NBPF10: variants seen among roughly 807,000 people sequenced by gnomAD.
NBPF10 encodes NBPF member 10, also known as NBPF family member NBPF10.
In NBPF10, 63 loss-of-function variants were observed where a neutral mutation model predicts 77.9. The observed-to-expected ratio is 0.81, with a 90% confidence interval of 0.66 to 1.00. The LOEUF (loss-of-function observed/expected upper bound fraction) is 1.00. NBPF10 is among the 50% of genes least tolerant of loss of function. The pLI, the probability that NBPF10 is intolerant of heterozygous loss-of-function variation, is 0.00. For synonymous variants in NBPF10, 146 were observed against 264.5 expected (o/e 0.55, Z 4.35); for missense variants, 522 against 679.8 (o/e 0.77, Z 2.58).
intron 13 of NBPF10, among the ~76,000 whole-genome samples, chr1:146,126,622 CA>C (rs1658715899): frequency 7.0e-6 from 1 of 143,802 alleles, no homozygotes; most frequent in South Asian, 2.2e-4. Context: ...CACACACACA[CA>C]CACACACACA....
chr1:146,139,265 AT>A (rs10533520), intron 5 of NBPF10, among the ~76,000 whole-genome samples: 10,065 of 139,872 alleles, frequency 0.072, 15 homozygotes, highest in African/African-American at 0.1. Context: ...ACGCCCAGCT[AT>A]TTTTTTTTTT....
At chr1:146,081,382 C>T in intron 71 of NBPF10, 54 bp downstream of exon 71, 1 of 2,624 alleles carries the variant, frequency 3.8e-4, no homozygotes. Context: ...TTTCCCTGAA[C>T]CAGGAGTCTC....
At chr1:146,140,657 G>C (rs1559356916) in intron 3 of NBPF10, 101 bp from the exon 4 acceptor site, 1 of 362,516 alleles carries the variant, frequency 2.8e-6, no homozygotes, top group South Asian at 3.0e-5. Context: ...GTATGGTTCA[G>C]CATTGTACTG....
chr1:146,130,005 A>G (rs1177804486), intron 11 of NBPF10, among the ~76,000 whole-genome samples: 2 of 69,370 alleles, frequency 2.9e-5, no homozygotes, highest in Non-Finnish European at 5.6e-5. Flanking sequence ...TCACCCATTA[A>G]CTCATCATTT....
intron 88 of NBPF10, among the ~76,000 whole-genome samples, chr1:146,067,758 T>C (rs1209677325): frequency 6.6e-6 from 1 of 151,190 alleles, no homozygotes; most frequent in Admixed American, 6.6e-5. Context: ...AGGTCCAATG[T>C]CATGAGAATA....
At chr1:146,135,964 G>A (rs1240563896) in intron 7 of NBPF10, among the ~76,000 whole-genome samples, 1 of 149,672 alleles carries the variant, frequency 6.7e-6, no homozygotes, top group African/African-American at 2.5e-5. Context: ...GGTCGAGAAG[G>A]CAACATTGAT....
At chr1:146,066,672 G>C (rs1265446466) in intron 89 of NBPF10, 111 bp from the exon 90 acceptor site, 26 of 532,642 alleles carry the variant, frequency 4.9e-5, no homozygotes, top group African/African-American at 3.7e-4. Context: ...AAAAAGGATA[G>C]AACCATTAAT....
intron 87 of NBPF10, among the ~76,000 whole-genome samples, chr1:146,068,554 C>A (rs587727608): frequency 3.3e-5 from 1 of 30,152 alleles, no homozygotes; most frequent in Non-Finnish European, 8.4e-5. Flanking sequence ...TGCCATACAG[C>A]CTTTGACGTA....
chr1:146,126,312 A>T lies in NBPF10; in HGVS notation c.1950T>A (p.Thr650=), dbSNP rs587722542. The T allele has an allele frequency of 1.6e-5, 22 of 1,394,080 alleles. No individual in the cohort carries two copies. In the African/African-American group the frequency reaches 2.9e-4, roughly 18 times the overall value. 86.4% of individuals were successfully genotyped at this position (1,394,080 alleles called of 1,614,324 possible). A position where few individuals can be genotyped will look rare whatever the true frequency, so the allele number is the denominator to read the frequency against. Residue 650 remains threonine, a synonymous_variant, in exon 14 of 90, where the codon ACT becomes ACA. Coordinates refer to ENST00000583866, the Ensembl canonical transcript of NBPF10. ...CACTTCTGTAGGGCTGGCATGAGTC[A>T]GTCAGTTCAAGACAACCTGAAGGAG...
At chr1:146,068,516 C>T (rs1452198527) in intron 87 of NBPF10, among the ~76,000 whole-genome samples, 10 of 27,584 alleles carry the variant, frequency 3.6e-4, no homozygotes, top group Non-Finnish European at 7.2e-4. Flanking sequence ...AATAATTTTC[C>T]ATAAACTTGC....
chr1:146,121,155 C>G (rs1191094848), intron 20 of NBPF10, among the ~76,000 whole-genome samples: 2 of 37,608 alleles, frequency 5.3e-5, no homozygotes, highest in African/African-American at 3.1e-4. Flanking sequence ...GCGAGGATTT[C>G]AGACGCTGAA....
intron 88 of NBPF10, among the ~76,000 whole-genome samples, chr1:146,067,576 C>A (rs112326680): frequency 0.18 from 26,698 of 148,660 alleles, 4,990 homozygotes; most frequent in African/African-American, 0.48. Context: ...CAACGTAAAG[C>A]AAATACCCTC....
At chr1:146,136,958 T>C (rs1659777743) in intron 6 of NBPF10, among the ~76,000 whole-genome samples, 1 of 149,260 alleles carries the variant, frequency 6.7e-6, no homozygotes, top group Admixed American at 6.7e-5. Context: ...TTAAGAATCA[T>C]ATCTGAAGCA....
chr1:146,067,817 T>C (rs1184270501), intron 88 of NBPF10, among the ~76,000 whole-genome samples, 186 bp downstream of exon 88: 2 of 151,908 alleles, frequency 1.3e-5, no homozygotes, highest in African/African-American at 4.8e-5. Flanking sequence ...AGAGTCTTGC[T>C]CACTGAACCA....
In NBPF10 at chr1:146,067,523, T is replaced by C. The variant is rs1430788127; in HGVS notation, c.11036-235A>G. On this transcript the variant is annotated intron_variant, in intron 88 of 89. Transcript: ENST00000583866. ...TAGTAGATCGTTATCCCAATATCAT[T>C]TGTCCCAAGTTTGTGCAAACAGTTA... Among the ~76,000 whole-genome samples, 4 of 148,946 alleles carry C rather than the reference T, an allele frequency of 2.7e-5. No individual in the cohort carries two copies. In the East Asian group the frequency reaches 5.9e-4, roughly 22 times the overall value.
At chr1:146,126,637 A>T (rs1339129022) in intron 13 of NBPF10, among the ~76,000 whole-genome samples, 2 of 144,236 alleles carry the variant, frequency 1.4e-5, no homozygotes, top group African/African-American at 5.0e-5. Context: ...ACACACACAG[A>T]GCGAGCTCAG....
chr1:146,141,875 A>G, intron 2 of NBPF10, 57 bp from the exon 3 acceptor site: 1 of 1,151,262 alleles, frequency 8.7e-7, no homozygotes, highest in South Asian at 1.3e-5. Context: ...GATCCGTTCA[A>G]ATATTGCAAC....
At chr1:146,068,162 G>C (rs1553778642) in exon 88 of NBPF10, 2 of 455,920 alleles carry the variant, frequency 4.4e-6, no homozygotes, top group Non-Finnish European at 7.5e-6. Context: ...TCATCCAGCA[G>C]CTCCCTGCTG....
intron 6 of NBPF10, among the ~76,000 whole-genome samples, chr1:146,137,752 T>C (rs1187596449): frequency 4.8e-5 from 6 of 125,728 alleles, no homozygotes; most frequent in South Asian, 6.1e-4. Context: ...AGTAGACTCC[T>C]CTTGAAGCCC....
Sources: allele counts gnomAD v4.1 joint callset (sites outside exome capture counted in the v4.1 genomes callset), GRCh38; gene constraint gnomAD v4.1.1; transcripts MANE v1.5; gene names NCBI Gene and HGNC (gene_info 2026-07-23, HGNC 2026-07-21).